Variants in STIM1 observed in about 807,000 individuals in gnomAD.
STIM1 encodes the protein stromal interaction molecule 1.
A neutral mutation model predicts 74.7 loss-of-function variants in STIM1; 25 were observed. That is an observed-to-expected ratio of 0.33 (90% CI 0.24 to 0.47). The LOEUF (loss-of-function observed/expected upper bound fraction) is 0.47, where lower values mean the gene tolerates loss of function less well. Ranked by LOEUF, STIM1 falls within the 20% of genes least tolerant of loss-of-function variation. STIM1 has a pLI of 1.00. For missense variants in STIM1, 728 were observed against 920.8 expected (o/e 0.79, Z 2.71); for synonymous variants, 328 against 348.8 (o/e 0.94, Z 0.66).
At chr11:3,992,191 C>G (rs2093622969) in intron 2 of STIM1, among the ~76,000 whole-genome samples, 1 of 144,522 alleles carries the variant, frequency 6.9e-6, no homozygotes, top group Non-Finnish European at 1.5e-5. Flanking sequence ...GGTGGATTGC[C>G]TGAAGCCAGG....
At chr11:4,050,587 A>G (rs751383588) in intron 3 of STIM1, among the ~76,000 whole-genome samples, 3 of 152,224 alleles carry the variant, frequency 2.0e-5, no homozygotes, top group Non-Finnish European at 2.9e-5. Context: ...GTATTAAAAT[A>G]TTTAAATTTG....
intron 1 of STIM1, among the ~76,000 whole-genome samples, chr11:3,863,428 T>A (rs1050471548): frequency 6.6e-6 from 1 of 152,020 alleles, no homozygotes; most frequent in Non-Finnish European, 1.5e-5. Context: ...GGCTACTTTT[T>A]CTATTTTTTT....
chr11:4,022,355 A>AAG lies in STIM1; in HGVS notation c.271-1512_271-1511dup, dbSNP rs1347590967. Reference sequence around the variant, plus strand: ...TGTCTCAAAAAAAAAAAAAAAAAAAAAGAGAGAAGATCATGTTGTCTGCAT... The same window carrying AAG: ...TGTCTCAAAAAAAAAAAAAAAAAAAAAGAGAGAGAAGATCATGTTGTCTGCAT... On this transcript the variant is annotated intron_variant, in intron 2 of 12. Transcript: ENST00000526596. Among the ~76,000 whole-genome samples the AAG allele has an allele frequency of 1.4e-3, 203 of 149,150 alleles. 3 individuals are homozygous for AAG. The highest frequency in any genetic ancestry group is 4.5e-3 in the African/African-American group (185 of 40,930).
intron 1 of STIM1, among the ~76,000 whole-genome samples, chr11:3,891,002 CT>C: frequency 6.6e-6 from 1 of 152,290 alleles, no homozygotes; most frequent in East Asian, 1.9e-4. Context: ...GTCACAGGAA[CT>C]CTGAGCCACA....
At chr11:4,059,008 G>A in intron 4 of STIM1, 2 of 1,094,862 alleles carry the variant, frequency 1.8e-6, no homozygotes, top group Non-Finnish European at 2.4e-6. Context: ...ATTTAGTTGG[G>A]TGTGGGAATG....
intron 1 of STIM1, among the ~76,000 whole-genome samples, chr11:3,886,355 G>A (rs1236405614): frequency 2.0e-5 from 3 of 152,122 alleles, no homozygotes; most frequent in Admixed American, 6.6e-5. Context: ...ATAGCTACTG[G>A]TATAATTCCT....
At chr11:4,025,857 G>A (rs538011513) in intron 3 of STIM1, among the ~76,000 whole-genome samples, 140 of 152,220 alleles carry the variant, frequency 9.2e-4, no homozygotes, top group African/African-American at 3.3e-3. Flanking sequence ...GGTTTTTTGG[G>A]GGAGAGTCCT....
intron 1 of STIM1, among the ~76,000 whole-genome samples, chr11:3,915,390 C>G (rs573598565): frequency 6.7e-6 from 1 of 148,380 alleles, no homozygotes; most frequent in East Asian, 2.0e-4. Context: ...TGTATCCAGT[C>G]TAGTTTTTAA....
At chr11:3,904,461 C>T (rs947575683) in intron 1 of STIM1, among the ~76,000 whole-genome samples, 9 of 152,032 alleles carry the variant, frequency 5.9e-5, no homozygotes, top group South Asian at 4.1e-4. Context: ...GGCCAGATCC[C>T]GAATGACCTT....
chr11:3,953,571 C>T (rs543046853), intron 1 of STIM1, among the ~76,000 whole-genome samples: 3 of 152,156 alleles, frequency 2.0e-5, no homozygotes, highest in Admixed American at 6.6e-5. Flanking sequence ...TCTGCCACTT[C>T]TTTGCTGGCC....
chr11:4,047,526 G>T (rs946132207), intron 3 of STIM1, among the ~76,000 whole-genome samples: 2 of 152,156 alleles, frequency 1.3e-5, no homozygotes, highest in Non-Finnish European at 2.9e-5. Context: ...TGAGGCAGGA[G>T]AATTACATGA....
intron 1 of STIM1, among the ~76,000 whole-genome samples, chr11:3,915,447 G>A (rs962881431): frequency 8.6e-5 from 13 of 151,356 alleles, no homozygotes; most frequent in Non-Finnish European, 1.6e-4. Flanking sequence ...GCCCAGGCTG[G>A]AGTGCAGTGG....
At chr11:3,967,754 G>C in intron 2 of STIM1, 72 bp downstream of exon 2, 1 of 1,601,896 alleles carries the variant, frequency 6.2e-7, no homozygotes. Flanking sequence ...TACTTAGACA[G>C]CCTCTTCCCT....
intron 3 of STIM1, among the ~76,000 whole-genome samples, chr11:4,051,600 C>T (rs2094242289): frequency 6.6e-6 from 1 of 152,010 alleles, no homozygotes. Context: ...GCCTTCGCCT[C>T]CCAAAGTGCT....
rs188610577 is a variant in STIM1 at position 4,073,864 on chromosome 11, G to A, written c.792-638G>A. Among the ~76,000 whole-genome samples the A allele has an allele frequency of 3.6e-4, 55 of 152,218 alleles. No homozygotes were observed. The South Asian group carries it at 0.011, about 32-fold the overall frequency. The stretch of plus-strand genomic sequence containing the variant: ...CTTTGGCATAAATTTAATTTGTTTT[G>A]TGCTTCTGGGAACAGAAGCTCAGGA... On this transcript the variant is annotated intron_variant, in intron 6 of 12. Coordinates refer to ENST00000526596, the MANE Select transcript of STIM1 (RefSeq NM_001382567.1).
chr11:3,943,692 A>G (rs1236940219), intron 1 of STIM1, among the ~76,000 whole-genome samples: 1 of 152,202 alleles, frequency 6.6e-6, no homozygotes, highest in African/African-American at 2.4e-5. Context: ...ACTTGAGCCC[A>G]GGAGTTTGAG....
intron 7 of STIM1, among the ~76,000 whole-genome samples, chr11:4,075,085 G>A (rs1389099777): frequency 6.6e-6 from 1 of 152,160 alleles, no homozygotes; most frequent in African/African-American, 2.4e-5. Context: ...AGGTTGCAGT[G>A]AGTGGAGATT....
At chr11:3,948,257 C>T (rs1308179439) in intron 1 of STIM1, among the ~76,000 whole-genome samples, 1 of 152,050 alleles carries the variant, frequency 6.6e-6, no homozygotes, top group Non-Finnish European at 1.5e-5. Flanking sequence ...TACCTATCTA[C>T]CCTTTCTCAA....
intron 3 of STIM1, among the ~76,000 whole-genome samples, chr11:4,031,259 T>G (rs1271960187): frequency 3.3e-5 from 5 of 152,246 alleles, no homozygotes; most frequent in African/African-American, 1.2e-4. Flanking sequence ...TAGTAGTCCA[T>G]TGTAGAGACA....
Sources: gnomAD v4.1 joint callset for allele counts (sites outside exome capture counted in the v4.1 genomes callset) on GRCh38, gnomAD v4.1.1 for gene constraint, MANE v1.5 for transcripts, NCBI Gene and HGNC (gene_info 2026-07-23, HGNC 2026-07-21) for gene names.